Variants in NUP188 observed in about 807,000 individuals in gnomAD.
NUP188 encodes the protein nucleoporin NUP188.
Under a neutral mutation model 223.0 loss-of-function variants are expected in NUP188, and 97 were observed. The ratio of observed to expected loss-of-function variants is 0.43; its 90% CI spans 0.37 to 0.51. NUP188 has a LOEUF of 0.51. NUP188 is among the 20% of genes least tolerant of loss of function. The pLI, the probability that NUP188 is intolerant of heterozygous loss-of-function variation, is 0.00. For missense variants in NUP188, 1,947 were observed against 2,175.6 expected, an observed-to-expected ratio of 0.89 and a Z score of 2.09; for synonymous variants, 869 against 828.0, an observed-to-expected ratio of 1.05 and a Z score of -0.85.
intron 2 of NUP188, among the ~76,000 whole-genome samples, chr9:128,952,268 G>A (rs553885153): frequency 9.1e-4 from 138 of 152,142 alleles, no homozygotes; most frequent in African/African-American, 2.8e-3. Context: ...GCATGGTGGC[G>A]TGCGCCTGTA....
At chr9:128,983,998 T>C (rs1842293906) in intron 19 of NUP188, among the ~76,000 whole-genome samples, 1 of 151,946 alleles carries the variant, frequency 6.6e-6, no homozygotes, top group African/African-American at 2.4e-5. Context: ...TTTTTTGTAT[T>C]TTTAATAGAG....
chr9:128,951,656 T>C (rs898343534), intron 2 of NUP188, among the ~76,000 whole-genome samples: 16 of 152,292 alleles, frequency 1.1e-4, no homozygotes, highest in African/African-American at 3.8e-4. Context: ...TAAGGTTAAG[T>C]CATTATGTTA....
intron 36 of NUP188, 21 bp from the exon 37 acceptor site, chr9:129,002,796 T>A: frequency 6.2e-7 from 1 of 1,611,590 alleles, no homozygotes; most frequent in Non-Finnish European, 8.5e-7. Context: ...TTCCTGAGCT[T>A]GTCTGCTGTT....
At chr9:129,003,517 G>GAC in intron 38 of NUP188, 63 bp downstream of exon 38, 2 of 1,566,826 alleles carry the variant, frequency 1.3e-6, no homozygotes, top group Non-Finnish European at 1.7e-6. Flanking sequence ...AGGCTGTGAG[G>GAC]TCTCACTGGG....
rs767318916 is a variant in NUP188 at position 129,006,508 on chromosome 9, C to T, written c.5080C>T (p.Leu1694=). ...GCCACTTTTTTTCTTGTAGAGCACG[C>T]TGCTGTCCAGCCTCTCGCGCTACTT... ...KQELSSELST[L]LSSLSRYFRR... Residue 1694 remains leucine, a synonymous_variant, in exon 44 of 44, where the codon CTG becomes TTG. Coordinates refer to ENST00000372577, the MANE Select transcript of NUP188 (RefSeq NM_015354.3). 1.2e-6 allele frequency: 2 copies of T among 1,613,372 alleles called. No homozygotes were observed. Among genetic ancestry groups the T allele is most frequent in the Admixed American group, 1.7e-5 (1 of 59,884 alleles).
intron 25 of NUP188, 67 bp from the exon 26 acceptor site, chr9:128,993,130 C>G (rs1471485992): frequency 3.7e-6 from 5 of 1,352,420 alleles, no homozygotes; most frequent in Middle Eastern, 2.0e-4. Context: ...CAGTGCCCTT[C>G]TGTGGGAGCC....
At chr9:128,956,082 T>G (rs1841864466) in intron 3 of NUP188, among the ~76,000 whole-genome samples, 1 of 152,112 alleles carries the variant, frequency 6.6e-6, no homozygotes, top group Non-Finnish European at 1.5e-5. Context: ...TTAATGTGTT[T>G]ACAAATAACA....
chr9:128,990,028 A>G (rs1842392367), intron 24 of NUP188, 92 bp from the exon 25 acceptor site: 1 of 981,076 alleles, frequency 1.0e-6, no homozygotes, highest in Admixed American at 1.7e-5. Context: ...ATTCCTTCAC[A>G]TACACACTGT....
At chr9:128,948,018 C>T (rs1473657960) in intron 1 of NUP188, 2 of 360,684 alleles carry the variant, frequency 5.5e-6, no homozygotes, top group Non-Finnish European at 9.9e-6. Context: ...CCTTTGCCTT[C>T]CTCCTCTCTC....
chr9:129,000,676 C>T (rs568195198), intron 34 of NUP188, among the ~76,000 whole-genome samples: 131 of 152,098 alleles, frequency 8.6e-4, no homozygotes, highest in Admixed American at 6.5e-3. Context: ...TATCACTGTG[C>T]TTTGTGTGAC....
At position 128,998,563 on chromosome 9, in the gene NUP188, G is replaced by A. The variant is rs751091071; in HGVS notation, c.3455G>A (p.Cys1152Tyr). 1.7e-5 allele frequency: 28 copies of A among 1,614,036 alleles called. No homozygotes were observed. The South Asian group carries it at 2.9e-4, about 16-fold the overall frequency. ...CTCCTAGTTCCAGCCTCAGTGAACT[G>A]CCTTCGCCTTGGCTCCATGAAGTGC... is the stretch of plus-strand genomic sequence containing the variant. ...ALLLVPASVN[C>Y]LRLGSMKCTL... is the part of the protein sequence containing the mutation. Residue 1152 changes from cysteine (C) to tyrosine (Y), a missense_variant, in exon 32 of 44, where the codon TGC becomes TAC. This residue lies in a region of NUP188 where 905 missense variants were observed against 990.6 expected (regional missense o/e 0.91). Transcript: ENST00000372577.
In NUP188 at chr9:129,006,281, C is replaced by G; in HGVS notation, c.4986C>G (p.Leu1662=). The G allele has an allele frequency of 1.2e-6, 2 of 1,614,152 alleles. No homozygotes were observed. Among genetic ancestry groups the G allele is most frequent in the Admixed American group, 3.3e-5 (2 of 60,020 alleles). The change falls in exon 43 of 44, where the codon CTC becomes CTG. Residue 1662 remains leucine, a synonymous_variant. Transcript: ENST00000372577. ...MFTMENCFYL[L]ISQAMRYLRD... ...CCATGGAAAACTGCTTCTACCTGCTCATCTCTCAGGCGATGCGGTACCTTA... is the reference window on the plus strand; with the variant it reads ...CCATGGAAAACTGCTTCTACCTGCTGATCTCTCAGGCGATGCGGTACCTTA...
In NUP188 at chr9:128,982,552, G is replaced by C; in HGVS notation, c.1520G>C (p.Gly507Ala). ...CTAATTTATCTTTCTCTCTCAGGGG[G>C]TCAAACCAACCTTCGCATACCTCAA... ...QTPKLLYPLG[G>A]QTNLRIPQGT... The change falls in exon 16 of 44, where the codon GGT (glycine) becomes GCT (alanine). Residue 507 changes from glycine (G) to alanine (A), a missense_variant. Physicochemically the swap from Gly to Ala is moderately conservative, Grantham distance 60 (BLOSUM62 0). This residue lies in a region of NUP188 where 817 missense variants were observed against 865.8 expected (regional missense o/e 0.94). Transcript: ENST00000372577. 1 of 1,609,812 alleles carries C rather than the reference G, an allele frequency of 6.2e-7. No homozygotes were observed. Among genetic ancestry groups the C allele is most frequent in the Non-Finnish European group, 8.5e-7 (1 of 1,178,726 alleles).
At chr9:128,950,907 C>T (rs1431403777) in intron 2 of NUP188, among the ~76,000 whole-genome samples, 2 of 152,178 alleles carry the variant, frequency 1.3e-5, no homozygotes, top group Admixed American at 1.3e-4. Flanking sequence ...CTGCTGAAGT[C>T]TTTTAAATCT....
rs1006508126 is a variant in NUP188, at chr9:128,949,310, C to A, written c.87+67C>A. On this transcript the variant is annotated intron_variant, in intron 2 of 43. Transcript: ENST00000372577. ...TGTAGCTTTTGTTACCAAAAAAAAC[C>A]TTTTTTTAAATGTAGGAAGTAAACA... 45 of 1,169,402 alleles carry A rather than the reference C, an allele frequency of 3.8e-5. No homozygotes were observed. In the African/African-American group the frequency reaches 6.2e-4, roughly 16 times the overall value. The allele number at this position is 1,169,402 out of a possible 1,614,324, so 72.4% of individuals were successfully genotyped here. A position where few individuals can be genotyped will look rare whatever the true frequency, so the allele number is the denominator to read the frequency against.
chr9:128,992,187 C>T (rs1018687438), intron 25 of NUP188, among the ~76,000 whole-genome samples: 3 of 151,582 alleles, frequency 2.0e-5, no homozygotes, highest in South Asian at 2.1e-4. Flanking sequence ...TGAGCCACCG[C>T]GCCCAGCCCT....
chr9:129,003,949 G>A, intron 38 of NUP188: 1 of 208,822 alleles, frequency 4.8e-6, no homozygotes, highest in Non-Finnish European at 9.4e-6. Context: ...CTCCAGCCTG[G>A]GTGACAGAGC....
chr9:129,005,274 C>T, intron 39 of NUP188, 29 bp from the exon 40 acceptor site: 1 of 1,613,068 alleles, frequency 6.2e-7, no homozygotes. Flanking sequence ...GCTTCCCAAG[C>T]TCCACCTTCA....
chr9:128,969,924 C>T (rs1232213813), intron 10 of NUP188, among the ~76,000 whole-genome samples: 1 of 151,962 alleles, frequency 6.6e-6, no homozygotes, highest in African/African-American at 2.4e-5. Context: ...AGCCACCATG[C>T]CCAGTCTGTT....
Sources: allele counts gnomAD v4.1 joint callset (sites outside exome capture counted in the v4.1 genomes callset), GRCh38; gene constraint gnomAD v4.1.1; regional missense constraint gnomAD v4.1.1; transcripts MANE v1.5; gene names NCBI Gene and HGNC (gene_info 2026-07-23, HGNC 2026-07-21).